GPHN: variants seen among roughly 807,000 people sequenced by gnomAD.
The protein encoded by GPHN is gephyrin.
GPHN carries 17 observed loss-of-function variants against 95.5 expected under a neutral mutation model. That is an observed-to-expected ratio of 0.18 (90% CI 0.12 to 0.27). GPHN has a LOEUF of 0.27. GPHN is among the 10% of genes least tolerant of loss of function. The pLI is 1.00. For missense variants in GPHN, 660 were observed against 978.1 expected (o/e 0.67, Z 4.34); for synonymous variants, 320 against 322.5 (o/e 0.99, Z 0.08).
At chr14:66,522,118 G>A (rs1486010902) in intron 1 of GPHN, among the ~76,000 whole-genome samples, 2 of 152,076 alleles carry the variant, frequency 1.3e-5, no homozygotes, top group Non-Finnish European at 2.9e-5. Flanking sequence ...GTGAAGGGTG[G>A]TTAATTTGTA....
intron 1 of GPHN, among the ~76,000 whole-genome samples, chr14:66,667,555 G>A (rs1310353787): frequency 6.6e-6 from 1 of 152,142 alleles, no homozygotes; most frequent in Non-Finnish European, 1.5e-5. Flanking sequence ...AATGGGGAAA[G>A]GATTCCCTAT....
intron 9 of GPHN, among the ~76,000 whole-genome samples, chr14:66,988,758 T>C (rs926124681): frequency 6.6e-6 from 1 of 152,014 alleles, no homozygotes; most frequent in African/African-American, 2.4e-5. Flanking sequence ...GTTCAGACTA[T>C]CAAGATTTTC....
At chr14:66,550,081 A>G (rs979490935) in intron 1 of GPHN, among the ~76,000 whole-genome samples, 1 of 152,354 alleles carries the variant, frequency 6.6e-6, no homozygotes, top group African/African-American at 2.4e-5. Flanking sequence ...TTTGCAGCCC[A>G]TGGATCAAGG....
chr14:67,709,081 G>A, the GPHN span, among the ~76,000 whole-genome samples: 697 of 152,286 alleles, frequency 4.6e-3, 5 homozygotes, highest in African/African-American at 0.011. Flanking sequence ...GTGAGCCACT[G>A]TGCCAGGCCC....
chr14:66,645,803 C>T (rs1275974373), intron 1 of GPHN, among the ~76,000 whole-genome samples: 1 of 151,616 alleles, frequency 6.6e-6, no homozygotes, highest in Non-Finnish European at 1.5e-5. Context: ...TTGTGTCTCT[C>T]ATTAGATACT....
intron 5 of GPHN, among the ~76,000 whole-genome samples, chr14:66,895,843 T>A (rs1417283014): frequency 6.6e-6 from 1 of 152,208 alleles, no homozygotes; most frequent in African/African-American, 2.4e-5. Flanking sequence ...AAGATATTGG[T>A]AAATATCTGA....
At chr14:66,873,781 C>T (rs1019985395) in intron 4 of GPHN, among the ~76,000 whole-genome samples, 9 of 152,146 alleles carry the variant, frequency 5.9e-5, no homozygotes, top group African/African-American at 1.7e-4. Context: ...AGATAAAACT[C>T]CCATCTCCCT....
chr14:67,412,122 A>ACCCGCGCAG, the GPHN span: 25 of 1,403,138 alleles, frequency 1.8e-5, no homozygotes, highest in African/African-American at 3.0e-5. Context: ...GCTCCTCGGC[A>ACCCGCGCAG]CCCGCGCAGC....
At chr14:67,149,812 TC>T (rs2081141582) in intron 18 of GPHN, among the ~76,000 whole-genome samples, 1 of 152,170 alleles carries the variant, frequency 6.6e-6, no homozygotes, top group Non-Finnish European at 1.5e-5. Context: ...GCGGGACACA[TC>T]CCTTTTACAC....
the GPHN span, chr14:67,585,078 G>A: frequency 9.1e-5 from 14 of 153,712 alleles, no homozygotes; most frequent in Non-Finnish European, 2.0e-4. Flanking sequence ...CTTACTGATA[G>A]GGCCTAAAGC....
At chr14:67,651,308 C>T in the GPHN span, 18 of 1,608,158 alleles carry the variant, frequency 1.1e-5, no homozygotes, top group South Asian at 1.9e-4. Flanking sequence ...CAGCAATATG[C>T]TTATTCTATC....
the GPHN span, chr14:67,574,036 A>T: frequency 1.4e-6 from 1 of 710,434 alleles, no homozygotes; most frequent in Non-Finnish European, 2.4e-6. The surrounding 1 kb of genome is among the most constrained non-coding windows in gnomAD (Gnocchi z 4.2). Context: ...TGAGTACAAG[A>T]AAGGAAGATG....
At chr14:67,493,267 C>G in the GPHN span, among the ~76,000 whole-genome samples, 1 of 152,188 alleles carries the variant, frequency 6.6e-6, no homozygotes, top group Admixed American at 6.5e-5. Flanking sequence ...CTCCCTATCT[C>G]TGTTGCACCC....
chr14:67,623,534 CTTTTTTTTTTTT>C, the GPHN span, among the ~76,000 whole-genome samples: 2 of 82,924 alleles, frequency 2.4e-5, no homozygotes, highest in East Asian at 3.8e-4. Flanking sequence ...CTCAGGTAAC[CTTTTTTTTTTTT>C]TTTTTTTTTT....
chr14:67,562,590 C>T, the GPHN span: 1 of 1,612,806 alleles, frequency 6.2e-7, no homozygotes, highest in South Asian at 1.1e-5. Flanking sequence ...GCTCCTGGCA[C>T]CCCGCGGGAC....
intron 20 of GPHN, among the ~76,000 whole-genome samples, chr14:67,167,490 G>C (rs982634057): frequency 6.6e-6 from 1 of 151,998 alleles, no homozygotes; most frequent in South Asian, 2.1e-4. Flanking sequence ...TTTTTCCATC[G>C]AAACTATTAG....
the GPHN span, among the ~76,000 whole-genome samples, chr14:67,709,477 T>G: frequency 6.6e-6 from 1 of 152,248 alleles, no homozygotes. Flanking sequence ...AAGAAAACCT[T>G]GTTAATCTGA....
At chr14:67,323,887 C>T in the GPHN span, 5 of 755,394 alleles carry the variant, frequency 6.6e-6, no homozygotes. Flanking sequence ...TGTCCTGGTG[C>T]TTAAAAGCTA....
chr14:67,387,432 T>C, the GPHN span: 3 of 1,609,154 alleles, frequency 1.9e-6, no homozygotes, highest in Admixed American at 5.1e-5. Flanking sequence ...TTTGAAGAGG[T>C]TTCCCTGGAC....
Sources: allele counts gnomAD v4.1 joint callset (sites outside exome capture counted in the v4.1 genomes callset), GRCh38; gene constraint gnomAD v4.1.1; non-coding constraint Gnocchi (gnomAD v3.1); transcripts MANE v1.5; gene names NCBI Gene and HGNC (gene_info 2026-07-23, HGNC 2026-07-21).